SPATA16: variants seen among roughly 807,000 people sequenced by gnomAD.
SPATA16 encodes the protein spermatogenesis-associated protein 16.
A neutral mutation model predicts 63.3 loss-of-function variants in SPATA16; 36 were observed. That is an observed-to-expected ratio of 0.57 (90% CI 0.44 to 0.75). SPATA16 has a LOEUF of 0.75. SPATA16 is among the 30% of genes least tolerant of loss of function. The pLI, the probability that SPATA16 is intolerant of heterozygous loss-of-function variation, is 0.00. For synonymous variants in SPATA16, 203 were observed against 216.7 expected, an observed-to-expected ratio of 0.94 and a Z score of 0.56; for missense variants, 646 against 679.3, an observed-to-expected ratio of 0.95 and a Z score of 0.54.
chr3:173,130,084 C>T (rs922155253), intron 1 of SPATA16, among the ~76,000 whole-genome samples: 3 of 152,154 alleles, frequency 2.0e-5, no homozygotes, highest in South Asian at 4.1e-4. Flanking sequence ...TATAATCGCC[C>T]GGGCGCGGTG....
chr3:172,913,615 T>A, intron 10 of SPATA16, 46 bp downstream of exon 10: 1 of 1,581,006 alleles, frequency 6.3e-7, no homozygotes, highest in Non-Finnish European at 8.7e-7. Flanking sequence ...AAATGGACAT[T>A]TTCTTTGAGA....
intron 6 of SPATA16, among the ~76,000 whole-genome samples, chr3:172,930,552 TC>T (rs1203262862): frequency 7.8e-6 from 1 of 127,568 alleles, no homozygotes; most frequent in Non-Finnish European, 1.6e-5. Flanking sequence ...CCATTCAAAC[TC>T]TTTTTTTTTT....
At chr3:172,963,134 G>A (rs956437719) in intron 5 of SPATA16, among the ~76,000 whole-genome samples, 2 of 152,098 alleles carry the variant, frequency 1.3e-5, no homozygotes, top group South Asian at 2.1e-4. Context: ...CTGCTGCAAT[G>A]ATCAACATTT....
At chr3:172,917,939 C>T (rs1483179485) in intron 8 of SPATA16, among the ~76,000 whole-genome samples, 1 of 152,226 alleles carries the variant, frequency 6.6e-6, no homozygotes, top group Non-Finnish European at 1.5e-5. Flanking sequence ...AAGGCTGGCA[C>T]CATCGTGCTG....
At chr3:173,002,800 G>A (rs1269433770) in intron 4 of SPATA16, among the ~76,000 whole-genome samples, 1 of 152,154 alleles carries the variant, frequency 6.6e-6, no homozygotes, top group Non-Finnish European at 1.5e-5. Context: ...AGCTGATATT[G>A]AAGATCAGTA....
chr3:173,001,268 G>GTTTTTTTTTTTGTTTTTTTTTTTTTT (rs56882833), intron 4 of SPATA16, among the ~76,000 whole-genome samples: 1 of 137,592 alleles, frequency 7.3e-6, no homozygotes, highest in African/African-American at 2.7e-5. Context: ...CTTCTCAGTT[G>GTTTTTTTTTTTGTTTTTTTTTTTTTT]TTTTTTTTTT....
chr3:173,084,816 A>G (rs1396013730), intron 2 of SPATA16, among the ~76,000 whole-genome samples: 1 of 152,122 alleles, frequency 6.6e-6, no homozygotes, highest in Non-Finnish European at 1.5e-5. Context: ...TTTGTTGAAG[A>G]TCAGATGTTG....
rs530790623 is a variant in SPATA16 at position 172,943,675 on chromosome 3, G to C, written c.1081+13002C>G. On this transcript the variant is annotated intron_variant, in intron 6 of 10. Coordinates refer to ENST00000351008, the MANE Select transcript of SPATA16 (RefSeq NM_031955.6). ...GAATTGCTTGAACCTGGGAGGCAGAGGTTGCAGTGAGCCAAGATTGCGCCA... is the reference window on the plus strand; with the variant it reads ...GAATTGCTTGAACCTGGGAGGCAGACGTTGCAGTGAGCCAAGATTGCGCCA... 4.3e-3 allele frequency among the ~76,000 whole-genome samples: 658 copies of C among 152,304 alleles called. 9 individuals are homozygous for C. Among genetic ancestry groups the C allele is most frequent in the African/African-American group, 0.015 (619 of 41,556 alleles).
chr3:173,086,938 T>A (rs1422914909), intron 2 of SPATA16, among the ~76,000 whole-genome samples: 2 of 152,180 alleles, frequency 1.3e-5, no homozygotes, highest in Non-Finnish European at 2.9e-5. Flanking sequence ...GAGGAGTGTT[T>A]TATTTCCAAT....
chr3:173,063,441 G>A (rs1278288915), intron 2 of SPATA16, among the ~76,000 whole-genome samples: 1 of 152,120 alleles, frequency 6.6e-6, no homozygotes, highest in African/African-American at 2.4e-5. Context: ...AAAGGGGCAC[G>A]GTTCTTATCA....
chr3:172,944,376 A>G (rs998744928), intron 6 of SPATA16, among the ~76,000 whole-genome samples: 4 of 152,220 alleles, frequency 2.6e-5, no homozygotes, highest in African/African-American at 2.4e-5. Flanking sequence ...TGATGAGGAC[A>G]TGGGGAAATT....
intron 2 of SPATA16, among the ~76,000 whole-genome samples, chr3:173,064,660 T>A (rs193258043): frequency 6.6e-6 from 1 of 152,318 alleles, no homozygotes; most frequent in Non-Finnish European, 1.5e-5. Context: ...AGATGTATGC[T>A]TTTCATGAGA....
chr3:173,092,768 A>G (rs924246120), intron 2 of SPATA16, among the ~76,000 whole-genome samples: 1 of 152,128 alleles, frequency 6.6e-6, no homozygotes, highest in Non-Finnish European at 1.5e-5. Flanking sequence ...ACTTGTTAGA[A>G]ATTTCTAGTT....
At chr3:172,961,054 TCTTTCTTTCTTCTTTCTTCCTTC>T (rs1560080243) in intron 5 of SPATA16, among the ~76,000 whole-genome samples, 1 of 76,142 alleles carries the variant, frequency 1.3e-5, no homozygotes, top group African/African-American at 5.0e-5. Context: ...CTTTCTTCTT[TCTTTCTTTCTTCTTTCTTCCTTC>T]CTTCCTTCCT....
Position 172,957,972 on chromosome 3 carries a change from G to C in SPATA16, c.934-1148C>G, listed in dbSNP as rs183816576. 3.9e-5 allele frequency among the ~76,000 whole-genome samples: 6 copies of C among 152,076 alleles called. No homozygotes were observed. In the East Asian group the frequency reaches 5.8e-4, roughly 15 times the overall value. On this transcript the variant is annotated intron_variant, in intron 5 of 10. Transcript: ENST00000351008. ...TTGCAATTATTTTCTGGATGCAAAG[G>C]GTCTTCCTTTCTCTGAGACTAGCTT...
intron 2 of SPATA16, among the ~76,000 whole-genome samples, chr3:173,076,325 AG>A: frequency 6.6e-6 from 1 of 152,296 alleles, no homozygotes. Context: ...TTCTAGGTCT[AG>A]GAAGAATGTA....
intron 3 of SPATA16, among the ~76,000 whole-genome samples, chr3:173,024,393 A>G (rs1735404923): frequency 1.3e-5 from 2 of 151,492 alleles, no homozygotes; most frequent in Non-Finnish European, 3.0e-5. Flanking sequence ...ATTTAAGAAA[A>G]AAAGAAGTAT....
At chr3:172,930,975 A>G (rs1275561529) in intron 6 of SPATA16, among the ~76,000 whole-genome samples, 3 of 151,546 alleles carry the variant, frequency 2.0e-5, no homozygotes, top group Admixed American at 6.6e-5. Context: ...GGCGCCTGCC[A>G]CCGTGCTCAG....
chr3:173,080,415 C>T (rs527468130), intron 2 of SPATA16, among the ~76,000 whole-genome samples: 164 of 151,816 alleles, frequency 1.1e-3, no homozygotes, highest in African/African-American at 3.8e-3. Flanking sequence ...ACAGGTTTTT[C>T]ATGTTGAAAC....
Sources: gnomAD v4.1 joint callset for allele counts (sites outside exome capture counted in the v4.1 genomes callset) on GRCh38, gnomAD v4.1.1 for gene constraint, MANE v1.5 for transcripts, NCBI Gene and HGNC (gene_info 2026-07-23, HGNC 2026-07-21) for gene names.